Variants in OPRM1 observed in about 807,000 individuals in gnomAD.
OPRM1 encodes the protein opioid receptor mu 1.
OPRM1 carries 27 observed loss-of-function variants against 31.8 expected under a neutral mutation model. The ratio of observed to expected loss-of-function variants is 0.85; its 90% confidence interval spans 0.63 to 1.17. The LOEUF is 1.17. Ranked by LOEUF, OPRM1 falls within the 50% of genes most tolerant of loss-of-function variation. The probability of loss-of-function intolerance (pLI) is 0.00; values close to 1 mark genes in which losing one functional copy is unlikely to be tolerated. For synonymous variants in OPRM1, 196 were observed against 189.9 expected (o/e 1.03, Z -0.26); for missense variants, 536 against 511.1 (o/e 1.05, Z -0.47).
chr6:154,163,159 G>T (rs1334031477), intron 3 of OPRM1, among the ~76,000 whole-genome samples: 3 of 152,158 alleles, frequency 2.0e-5, no homozygotes, highest in Non-Finnish European at 4.4e-5. Context: ...GCTGGTGTTT[G>T]CAATGGCAAT....
At chr6:154,146,956 A>G (rs896551176) in intron 3 of OPRM1, among the ~76,000 whole-genome samples, 44 of 152,342 alleles carry the variant, frequency 2.9e-4, no homozygotes, top group African/African-American at 1.0e-3. Flanking sequence ...ACTAGCTTCC[A>G]TCTAGTCTTG....
Position 154,129,926 on chromosome 6 carries a change from T to A in OPRM1, c.*11205T>A, listed in dbSNP as rs572833550. Among the ~76,000 whole-genome samples the A allele has an allele frequency of 5.9e-5, 9 of 151,426 alleles. No individual in the cohort carries two copies. Among genetic ancestry groups the A allele is most frequent in the Admixed American group, 4.6e-4 (7 of 15,208 alleles). ...ACCCGTGGGAATTATATGATAGTTG[T>A]AATCAAAATAAAATGCAATCAATAC... On this transcript the variant is annotated 3_prime_UTR_variant, in exon 4 of 4. Transcript: ENST00000330432.
chr6:154,071,522 A>G (rs971177322), intron 1 of OPRM1, among the ~76,000 whole-genome samples: 1 of 152,062 alleles, frequency 6.6e-6, no homozygotes, highest in South Asian at 2.1e-4. Flanking sequence ...CATGCTCACC[A>G]GCGAAAACCC....
At position 154,128,757 on chromosome 6, in the gene OPRM1, G is replaced by A. The variant is rs1216394140; in HGVS notation, c.*10036G>A. On this transcript the variant is annotated 3_prime_UTR_variant, in exon 4 of 4. Coordinates refer to ENST00000330432, the MANE Select transcript of OPRM1 (RefSeq NM_000914.5). Reference sequence around the variant, plus strand: ...GGAAAAAGGCTACCTTGTACCTCATGGAGAGCTGAAGGTCTGATAAATGGG... The same window carrying A: ...GGAAAAAGGCTACCTTGTACCTCATAGAGAGCTGAAGGTCTGATAAATGGG... Among the ~76,000 whole-genome samples the A allele has an allele frequency of 2.0e-5, 3 of 152,204 alleles. No individual in the cohort carries two copies. The highest frequency in any genetic ancestry group is 2.9e-5 in the Non-Finnish European group (2 of 68,038).
intron 3 of OPRM1, chr6:154,160,061 G>A (rs776682044): frequency 7.0e-6 from 11 of 1,571,208 alleles, no homozygotes; most frequent in Non-Finnish European, 5.2e-6. Context: ...AGAAAAAAAG[G>A]GGAAGGGGGT....
At chr6:154,149,368 C>A (rs1798437275) in intron 3 of OPRM1, among the ~76,000 whole-genome samples, 1 of 152,182 alleles carries the variant, frequency 6.6e-6, no homozygotes, top group East Asian at 1.9e-4. Context: ...CCCCATGATT[C>A]AATTACCTCC....
intron 3 of OPRM1, among the ~76,000 whole-genome samples, chr6:154,109,767 C>CCTCTCTCT (rs60360261): frequency 4.6e-4 from 59 of 127,496 alleles, no homozygotes; most frequent in African/African-American, 1.7e-3. Flanking sequence ...ACTCTCTCTC[C>CCTCTCTCT]CTCTCTCTCT....
Position 154,051,986 on chromosome 6 carries a change from A to G in OPRM1, c.290+12152A>G, listed in dbSNP as rs1371016690. ...ATATGTTACATATACACCATGGAAT[A>G]CTATGCAGCCATAAAAAAGAATAAG... On this transcript the variant is annotated intron_variant, in intron 1 of 3. Coordinates refer to ENST00000330432, the MANE Select transcript of OPRM1 (RefSeq NM_000914.5). Among the ~76,000 whole-genome samples, 4 of 152,260 alleles carry G rather than the reference A, an allele frequency of 2.6e-5. No individual in the cohort carries two copies. The East Asian group carries it at 7.7e-4, about 29-fold the overall frequency.
In OPRM1 at chr6:154,091,086, C is replaced by A. The variant is rs199666956; in HGVS notation, c.778C>A (p.Arg260Ser). The A allele has an allele frequency of 1.2e-6, 2 of 1,614,120 alleles. No individual in the cohort carries two copies. Among genetic ancestry groups the A allele is most frequent in the Non-Finnish European group, 1.7e-6 (2 of 1,180,012 alleles). ...ITVCYGLMIL[R>S]LKSVRMLSGS... ...CGTGTGCTATGGACTGATGATCTTG[C>A]GCCTCAAGAGTGTCCGCATGCTCTC... The change falls in exon 3 of 4, where the codon CGC (arginine) becomes AGC (serine). Residue 260 changes from arginine to serine, a missense_variant. Transcript: ENST00000330432.
At chr6:154,083,876 G>A (rs1050306855) in intron 1 of OPRM1, among the ~76,000 whole-genome samples, 2 of 150,036 alleles carry the variant, frequency 1.3e-5, no homozygotes, top group South Asian at 2.1e-4. Context: ...CCCGGGAGGC[G>A]GAGCTTGCAG....
intron 3 of OPRM1, among the ~76,000 whole-genome samples, chr6:154,229,424 A>G (rs1272900701): frequency 7.5e-6 from 1 of 133,700 alleles, no homozygotes; most frequent in African/African-American, 2.9e-5. Flanking sequence ...ATCTTGGCTT[A>G]CTGCAAGCTC....
intron 3 of OPRM1, among the ~76,000 whole-genome samples, chr6:154,187,504 A>G (rs1320212643): frequency 6.6e-6 from 1 of 152,256 alleles, no homozygotes; most frequent in Non-Finnish European, 1.5e-5. Context: ...ACCCAGAGAT[A>G]TCATAATAGT....
intron 1 of OPRM1, among the ~76,000 whole-genome samples, chr6:154,084,116 C>A (rs1468119649): frequency 6.6e-6 from 1 of 152,068 alleles, no homozygotes; most frequent in Non-Finnish European, 1.5e-5. Context: ...AGCAATAGTT[C>A]CTTTCCCGTC....
chr6:154,086,521 T>C (rs1790616877), intron 1 of OPRM1: 3 of 957,004 alleles, frequency 3.1e-6, no homozygotes, highest in Non-Finnish European at 3.7e-6. Context: ...AGCATGCTAA[T>C]TAACTATGCA....
intron 3 of OPRM1, among the ~76,000 whole-genome samples, chr6:154,102,931 A>C (rs952254844): frequency 4.7e-5 from 7 of 150,316 alleles, no homozygotes; most frequent in South Asian, 2.1e-4. Context: ...AAAAAAAAAA[A>C]AAAAACACTC....
At chr6:154,156,141 G>C (rs1798704721) in intron 3 of OPRM1, 1 of 152,238 alleles carries the variant, frequency 6.6e-6, no homozygotes, top group African/African-American at 2.4e-5. Flanking sequence ...TGTACAGAAA[G>C]AAAAGAAAGG....
At chr6:154,074,822 G>A (rs1787518358) in intron 1 of OPRM1, among the ~76,000 whole-genome samples, 1 of 151,846 alleles carries the variant, frequency 6.6e-6, no homozygotes, top group Admixed American at 6.6e-5. Flanking sequence ...AAAATGGGAT[G>A]GAAATGGAGA....
At chr6:154,027,698 A>G (rs1195394560) in intron 1 of OPRM1, among the ~76,000 whole-genome samples, 1 of 152,204 alleles carries the variant, frequency 6.6e-6, no homozygotes, top group Non-Finnish European at 1.5e-5. Context: ...CACAAAATGC[A>G]GTCCTTCCCA....
intron 3 of OPRM1, among the ~76,000 whole-genome samples, chr6:154,203,786 G>C (rs1489204544): frequency 6.6e-6 from 1 of 152,054 alleles, no homozygotes; most frequent in Non-Finnish European, 1.5e-5. Flanking sequence ...ACACATAATT[G>C]GTGACAAATT....
Sources: allele counts gnomAD v4.1 joint callset (sites outside exome capture counted in the v4.1 genomes callset), GRCh38; gene constraint gnomAD v4.1.1; transcripts MANE v1.5; gene names NCBI Gene and HGNC (gene_info 2026-07-23, HGNC 2026-07-21).